Variants in PARP6 observed in about 807,000 individuals in gnomAD.
PARP6 encodes poly(ADP-ribose) polymerase family member 6.
PARP6 carries 27 observed loss-of-function variants against 92.0 expected under a neutral mutation model. The ratio of observed to expected loss-of-function variants is 0.29; its 90% CI spans 0.22 to 0.40. PARP6 has a LOEUF of 0.40. PARP6 is among the 10% of genes least tolerant of loss of function. The probability of loss-of-function intolerance (pLI) is 1.00; values close to 1 mark genes in which losing one functional copy is unlikely to be tolerated. For synonymous variants in PARP6, 272 were observed against 281.2 expected (o/e 0.97, Z 0.33); for missense variants, 501 against 784.5 (o/e 0.64, Z 4.32).
chr15:72,254,881 T>G (rs2084859521), intron 14 of PARP6, among the ~76,000 whole-genome samples: 1 of 152,198 alleles, frequency 6.6e-6, no homozygotes, highest in Non-Finnish European at 1.5e-5. Flanking sequence ...ATGGTTAATT[T>G]TGTGTGTCAA....
At chr15:72,256,618 A>G in intron 13 of PARP6, 28 bp from the exon 14 acceptor site, 3 of 1,489,726 alleles carry the variant, frequency 2.0e-6, no homozygotes, top group Non-Finnish European at 2.7e-6. Context: ...AAAACAGGGC[A>G]GAAGCTAAAT....
In PARP6 at chr15:72,271,714, G is replaced by C. The variant is rs190158553; in HGVS notation, c.-459-427C>G. Among the ~76,000 whole-genome samples the C allele has an allele frequency of 5.7e-4, 87 of 152,304 alleles. No homozygotes were observed. In the East Asian group the frequency reaches 0.01, roughly 18 times the overall value. Reference sequence around the variant, plus strand: ...ATTGAGTTGTTAATGAAGTAAGCAAGAAAGACCTATCTGATTTATCTAAAT... The same window carrying C: ...ATTGAGTTGTTAATGAAGTAAGCAACAAAGACCTATCTGATTTATCTAAAT... On this transcript the variant is annotated intron_variant, in intron 1 of 23. Transcript: ENST00000569795.
intron 3 of PARP6, 48 bp downstream of exon 3, chr15:72,267,427 C>T (rs1193882293): frequency 3.1e-6 from 5 of 1,604,956 alleles, no homozygotes; most frequent in East Asian, 4.5e-5. Context: ...ACTTTGTCTC[C>T]TCTACCCTTT....
chr15:72,266,142 C>T (rs1321360912), intron 4 of PARP6, 151 bp from the exon 5 acceptor site: 1 of 646,760 alleles, frequency 1.5e-6, no homozygotes, highest in Non-Finnish European at 2.8e-6. Flanking sequence ...AAGGGGTTCT[C>T]AGTGGTGACC....
At chr15:72,259,735 A>G (rs2085609381) in intron 10 of PARP6, 74 bp from the exon 11 acceptor site, 1 of 1,279,080 alleles carries the variant, frequency 7.8e-7, no homozygotes, top group Non-Finnish European at 1.1e-6. Context: ...ACTCTTGCCT[A>G]TCACCTAGGA....
In PARP6 at chr15:72,241,708, T is replaced by G; in HGVS notation, c.1791-151A>C. Reference sequence around the variant, plus strand: ...CATAGTGGAAGATATTCAGCTTATCTGGTTTCCTCTAGATAGATCCCAACC... The same window carrying G: ...CATAGTGGAAGATATTCAGCTTATCGGGTTTCCTCTAGATAGATCCCAACC... On this transcript the variant is annotated intron_variant, in intron 23 of 23. Coordinates refer to ENST00000569795, the MANE Select transcript of PARP6 (RefSeq NM_001323532.2). The surrounding 1 kb of genome is among the most constrained non-coding windows in gnomAD (Gnocchi z 4.1). 1 of 770,178 alleles carries G rather than the reference T, an allele frequency of 1.3e-6. No homozygotes were observed. Among genetic ancestry groups the G allele is most frequent in the Non-Finnish European group, 2.2e-6 (1 of 459,962 alleles). 47.7% of individuals were successfully genotyped at this position (770,178 alleles called of 1,614,324 possible).
chr15:72,262,250 A>T (rs2085991824), intron 8 of PARP6, among the ~76,000 whole-genome samples: 1 of 152,110 alleles, frequency 6.6e-6, no homozygotes, highest in East Asian at 1.9e-4. Flanking sequence ...TATTGTTCTA[A>T]ATCCTTATTA....
At chr15:72,268,378 G>A (rs554638500) in intron 2 of PARP6, among the ~76,000 whole-genome samples, 9 of 152,308 alleles carry the variant, frequency 5.9e-5, no homozygotes, top group African/African-American at 2.2e-4. Context: ...TTTATTCTTA[G>A]TTATTTCTCC....
chr15:72,265,860 G>C (rs753137987), intron 5 of PARP6, 37 bp downstream of exon 5: 2 of 1,371,498 alleles, frequency 1.5e-6, no homozygotes, highest in South Asian at 1.2e-5. Flanking sequence ...AGAAAGAAGT[G>C]ACTTGCTCCC....
intron 20 of PARP6, 126 bp downstream of exon 20, chr15:72,249,119 A>C: frequency 2.1e-6 from 1 of 483,922 alleles, no homozygotes. Flanking sequence ...ATATGTATCC[A>C]TGATCGGGGA....
At chr15:72,263,671 A>G (rs1311297270) in intron 8 of PARP6, among the ~76,000 whole-genome samples, 1 of 152,120 alleles carries the variant, frequency 6.6e-6, no homozygotes, top group Non-Finnish European at 1.5e-5. Context: ...AGCCCCTGCA[A>G]ATGTTATTCA....
chr15:72,271,563 A>G (rs2087436699), intron 1 of PARP6, among the ~76,000 whole-genome samples: 1 of 152,234 alleles, frequency 6.6e-6, no homozygotes, highest in South Asian at 2.1e-4. Flanking sequence ...CATGTTACAC[A>G]CAGAATACTT....
In PARP6 at chr15:72,249,249, G is replaced by A; in HGVS notation, c.1557C>T (p.Tyr519=). The A allele has an allele frequency of 6.3e-7, 1 of 1,587,724 alleles. No homozygotes were observed. Among genetic ancestry groups the A allele is most frequent in the Non-Finnish European group, 8.6e-7 (1 of 1,157,730 alleles). ...TGGCCACAGAATATTTCTTACCTGA[G>A]TATCCAAAGGAAATACTGGAGATGG... ...LSPISSISFG[Y]SGMGKGQHRM... The change falls in exon 20 of 24, where the codon TAC becomes TAT. Residue 519 remains tyrosine (Y), a synonymous_variant. Coordinates refer to ENST00000569795, the MANE Select transcript of PARP6 (RefSeq NM_001323532.2).
chr15:72,255,828 G>A (rs1472186414), intron 14 of PARP6, among the ~76,000 whole-genome samples: 3 of 108,632 alleles, frequency 2.8e-5, no homozygotes, highest in Non-Finnish European at 5.1e-5. Flanking sequence ...ACAGAGTCTC[G>A]CTCTGTCAAG....
intron 5 of PARP6, 114 bp downstream of exon 5, chr15:72,265,783 C>A: frequency 1.3e-6 from 1 of 748,388 alleles, no homozygotes. Flanking sequence ...CATTTTCTAT[C>A]ATTAAGTTCA....
At chr15:72,262,136 T>C (rs1464797765) in intron 8 of PARP6, among the ~76,000 whole-genome samples, 2 of 152,000 alleles carry the variant, frequency 1.3e-5, no homozygotes, top group Non-Finnish European at 2.9e-5. Flanking sequence ...AGGAGAAAAA[T>C]TATATTCTCA....
At position 72,249,333 on chromosome 15, in the gene PARP6, GATGAGTAAT is replaced by G. The variant is rs1269464300; in HGVS notation, c.1492-28_1492-20del. 6 of 1,522,812 alleles carry G rather than the reference GATGAGTAAT, an allele frequency of 3.9e-6. No individual in the cohort carries two copies. The highest frequency in any genetic ancestry group is 5.4e-6 in the Non-Finnish European group (6 of 1,103,720). The allele number at this position is 1,522,812 out of a possible 1,614,324, so 94.3% of individuals were successfully genotyped here. On this transcript the variant is annotated intron_variant, in intron 19 of 23. Transcript: ENST00000569795. ...CATGCAGCTTGCAGGGAAACACCAG[GATGAGTAAT>G]ATGAGCCTGGGCCCTCCCATGGCTA...
chr15:72,242,808 G>T lies in PARP6; in HGVS notation c.1562-109C>A. 1.5e-6 allele frequency: 1 copy of T among 687,436 alleles called. No individual in the cohort carries two copies. The highest frequency in any genetic ancestry group is 2.5e-6 in the Non-Finnish European group (1 of 394,256). 42.6% of individuals were successfully genotyped at this position (687,436 alleles called of 1,614,324 possible). On this transcript the variant is annotated intron_variant, in intron 20 of 23. Coordinates refer to ENST00000569795, the MANE Select transcript of PARP6 (RefSeq NM_001323532.2). The surrounding 1 kb of genome is among the most constrained non-coding windows in gnomAD (Gnocchi z 4.3). ...TCAAAACAGCAGAGAATAAAACAAA[G>T]AAGATTATTTTCCCCCACAGAATTT...
intron 14 of PARP6, 82 bp from the exon 15 acceptor site, chr15:72,254,602 A>G (rs1215965370): frequency 9.5e-7 from 1 of 1,053,382 alleles, no homozygotes; most frequent in African/African-American, 1.6e-5. Flanking sequence ...GGCTAGATGT[A>G]CCAAAAAAGT....
Sources: gnomAD v4.1 joint callset for allele counts (sites outside exome capture counted in the v4.1 genomes callset) on GRCh38, gnomAD v4.1.1 for gene constraint, Gnocchi (gnomAD v3.1) non-coding constraint, MANE v1.5 for transcripts, NCBI Gene and HGNC (gene_info 2026-07-23, HGNC 2026-07-21) for gene names.